Variants in EPHA6 observed in about 807,000 individuals in gnomAD.
EPHA6 encodes the protein ephrin type-A receptor 6.
A neutral mutation model predicts 112.0 loss-of-function variants in EPHA6; 50 were observed. The ratio of observed to expected loss-of-function variants is 0.45; its 90% CI spans 0.36 to 0.56. EPHA6 has a LOEUF of 0.56. Ranked by LOEUF, EPHA6 falls within the 20% of genes least tolerant of loss-of-function variation. The pLI, the probability that EPHA6 is intolerant of heterozygous loss-of-function variation, is 0.00. For synonymous variants in EPHA6, 529 were observed against 490.7 expected, an observed-to-expected ratio of 1.08 and a Z score of -1.03; for missense variants, 1,280 against 1,417.4, an observed-to-expected ratio of 0.90 and a Z score of 1.56.
intron 16 of EPHA6, 143 bp downstream of exon 16, chr3:97,736,261 C>A: frequency 1.9e-6 from 1 of 537,274 alleles, no homozygotes; most frequent in Non-Finnish European, 3.1e-6. Context: ...TTTCATTTAT[C>A]AGCTGAAAAA....
chr3:97,508,127 A>AT lies in EPHA6; in HGVS notation c.2200+24077dup, dbSNP rs796190552. 7.2e-3 allele frequency among the ~76,000 whole-genome samples: 1,094 copies of AT among 151,128 alleles called. 10 individuals carry two copies. The highest frequency in any genetic ancestry group is 0.022 in the African/African-American group (926 of 41,186). ...AAAAAACTGTCCCCTGGATTCATTG[A>AT]TTTTTTTTTGAAGTATTTTTTGTGT... On this transcript the variant is annotated intron_variant, in intron 10 of 17. Transcript: ENST00000389672.
At chr3:97,221,394 A>T (rs1041461955) in intron 3 of EPHA6, among the ~76,000 whole-genome samples, 6 of 151,930 alleles carry the variant, frequency 3.9e-5, no homozygotes, top group Non-Finnish European at 7.4e-5. Context: ...AAATAATAGA[A>T]ACCACTTTGT....
chr3:96,920,209 G>A (rs1402514046), intron 2 of EPHA6, among the ~76,000 whole-genome samples: 1 of 151,774 alleles, frequency 6.6e-6, no homozygotes, highest in Non-Finnish European at 1.5e-5. Context: ...TTCATTTTTA[G>A]TGACCTCTCT....
intron 7 of EPHA6, 42 bp downstream of exon 7, chr3:97,448,772 T>A: frequency 1.3e-6 from 2 of 1,597,544 alleles, no homozygotes; most frequent in Non-Finnish European, 1.7e-6. Context: ...GTGAATTTAG[T>A]ATCATTCCAA....
At chr3:97,715,049 T>C (rs1260472862) in intron 14 of EPHA6, among the ~76,000 whole-genome samples, 2 of 152,242 alleles carry the variant, frequency 1.3e-5, no homozygotes, top group African/African-American at 4.8e-5. Context: ...TTAAGTTACT[T>C]TCCCTCTTGC....
intron 14 of EPHA6, among the ~76,000 whole-genome samples, chr3:97,659,458 G>A (rs2094156225): frequency 6.6e-6 from 1 of 151,942 alleles, no homozygotes; most frequent in South Asian, 2.1e-4. Flanking sequence ...GGGCAAGAGG[G>A]CAACTATGAT....
chr3:97,018,812 AGGGAGACT>A (rs1002032010), intron 3 of EPHA6, among the ~76,000 whole-genome samples: 1 of 152,146 alleles, frequency 6.6e-6, no homozygotes, highest in African/African-American at 2.4e-5. Flanking sequence ...CCCTGGGGAA[AGGGAGACT>A]CCCTTTCCCG....
intron 14 of EPHA6, among the ~76,000 whole-genome samples, chr3:97,707,241 A>G (rs2033726466): frequency 6.6e-6 from 1 of 152,228 alleles, no homozygotes; most frequent in Non-Finnish European, 1.5e-5. Context: ...CAAATAATCA[A>G]TAAATTTACA....
At chr3:97,415,790 C>A (rs2088076312) in intron 6 of EPHA6, among the ~76,000 whole-genome samples, 12 of 151,972 alleles carry the variant, frequency 7.9e-5, no homozygotes, top group Admixed American at 7.9e-4. Flanking sequence ...CATTAAGCTC[C>A]CTGAAAAAAT....
chr3:97,235,506 C>G (rs139348526), intron 4 of EPHA6, among the ~76,000 whole-genome samples: 92 of 152,144 alleles, frequency 6.0e-4, no homozygotes, highest in African/African-American at 2.1e-3. Flanking sequence ...CTTGTAAATT[C>G]CTGGCCTTAT....
chr3:96,975,755 T>C (rs1005194374), intron 2 of EPHA6, among the ~76,000 whole-genome samples: 3 of 152,252 alleles, frequency 2.0e-5, no homozygotes, highest in East Asian at 3.9e-4. Flanking sequence ...GTCCACTCCT[T>C]GATCCAAAAA....
intron 5 of EPHA6, among the ~76,000 whole-genome samples, chr3:97,281,401 T>G (rs1240239639): frequency 6.6e-6 from 1 of 152,178 alleles, no homozygotes; most frequent in Non-Finnish European, 1.5e-5. Flanking sequence ...TGCATTCATT[T>G]TATTTTTATT....
intron 4 of EPHA6, among the ~76,000 whole-genome samples, chr3:97,233,569 T>A (rs1343801595): frequency 6.6e-6 from 1 of 152,168 alleles, no homozygotes; most frequent in Non-Finnish European, 1.5e-5. Flanking sequence ...CTCTCCATGC[T>A]AGATATTGTA....
intron 2 of EPHA6, among the ~76,000 whole-genome samples, chr3:96,958,078 A>G (rs1040020291): frequency 1.3e-5 from 2 of 152,046 alleles, no homozygotes; most frequent in African/African-American, 4.8e-5. Context: ...TCCATGCTCT[A>G]CTGTTGTGTC....
intron 11 of EPHA6, among the ~76,000 whole-genome samples, chr3:97,539,694 A>G (rs1308256702): frequency 6.6e-6 from 1 of 152,168 alleles, no homozygotes; most frequent in African/African-American, 2.4e-5. Flanking sequence ...GCTGATCCTA[A>G]ATGGGTACAA....
chr3:97,344,441 C>G (rs954364486), intron 5 of EPHA6, among the ~76,000 whole-genome samples: 1 of 152,098 alleles, frequency 6.6e-6, no homozygotes. Flanking sequence ...GATTAGTGCC[C>G]TTATAAGAAG....
At chr3:97,535,991 T>G (rs2092758391) in intron 11 of EPHA6, among the ~76,000 whole-genome samples, 2 of 152,144 alleles carry the variant, frequency 1.3e-5, no homozygotes, top group Non-Finnish European at 1.5e-5. Flanking sequence ...AAACTGTGTT[T>G]GATAAGAGTT....
At chr3:97,628,452 T>A (rs1315161624) in intron 13 of EPHA6, among the ~76,000 whole-genome samples, 1 of 151,950 alleles carries the variant, frequency 6.6e-6, no homozygotes, top group Non-Finnish European at 1.5e-5. Context: ...AGGTCATCTA[T>A]TATTATTATA....
chr3:96,839,180 C>T (rs2107314720), intron 1 of EPHA6, among the ~76,000 whole-genome samples: 1 of 152,264 alleles, frequency 6.6e-6, no homozygotes, highest in South Asian at 2.1e-4. Flanking sequence ...GGGCTGCAGA[C>T]TGGTACTAGT....
Sources: allele counts gnomAD v4.1 joint callset (sites outside exome capture counted in the v4.1 genomes callset), GRCh38; gene constraint gnomAD v4.1.1; transcripts MANE v1.5; gene names NCBI Gene and HGNC (gene_info 2026-07-23, HGNC 2026-07-21).